ADGRG4: variants seen among roughly 807,000 people sequenced by gnomAD.
ADGRG4 encodes adhesion G protein-coupled receptor G4, also known as G protein-coupled receptor 112.
ADGRG4 carries 122 observed loss-of-function variants against 126.2 expected under a neutral mutation model. That is an observed-to-expected ratio of 0.97 (90% CI 0.83 to 1.12). ADGRG4 has a LOEUF of 1.12. Among genes scored for constraint, ADGRG4 ranks in the 50% most tolerant of loss-of-function variants. The pLI is 0.00. For missense variants in ADGRG4, 2,481 were observed against 2,251.8 expected, an observed-to-expected ratio of 1.10 and a Z score of -2.06; for synonymous variants, 943 against 838.7, an observed-to-expected ratio of 1.12 and a Z score of -2.15.
chrX:136,320,663 C>A (rs1442557788), intron 4 of ADGRG4, among the ~76,000 whole-genome samples: 1 of 111,897 alleles, frequency 8.9e-6, no homozygotes, highest in Admixed American at 9.5e-5. Context: ...CTTGTAATCC[C>A]AGCACTTTGG....
At chrX:136,376,383 C>CT (rs999581867) in intron 15 of ADGRG4, among the ~76,000 whole-genome samples, 4 of 111,279 alleles carry the variant, frequency 3.6e-5, no homozygotes, top group Non-Finnish European at 5.7e-5. Flanking sequence ...GCTATGTGGA[C>CT]TTTTTTGATT....
intron 5 of ADGRG4, among the ~76,000 whole-genome samples, chrX:136,337,006 G>A (rs2074951682): frequency 9.0e-6 from 1 of 110,984 alleles, no homozygotes; most frequent in Non-Finnish European, 1.9e-5. Context: ...CCAGACTGCA[G>A]AGCAGTGGAG....
chrX:136,415,586 C>A (rs1483122097), intron 25 of ADGRG4, among the ~76,000 whole-genome samples: 1 of 111,354 alleles, frequency 9.0e-6, no homozygotes, highest in Non-Finnish European at 1.9e-5. Context: ...TCCCTGGCCA[C>A]AAGCATTTAT....
chrX:136,331,737 T>A (rs2074911274), intron 5 of ADGRG4, among the ~76,000 whole-genome samples: 1 of 111,910 alleles, frequency 8.9e-6, no homozygotes, highest in Admixed American at 9.5e-5. Context: ...AAATGTCTGT[T>A]CATGTGTTTT....
intron 8 of ADGRG4, among the ~76,000 whole-genome samples, 180 bp downstream of exon 8, chrX:136,353,581 T>G (rs1165607490): frequency 4.5e-5 from 5 of 111,513 alleles, no homozygotes; most frequent in Non-Finnish European, 7.5e-5. Flanking sequence ...ATTACTATTG[T>G]AGGGCACAAA....
At chrX:136,384,208 G>A (rs1201898301) in intron 15 of ADGRG4, among the ~76,000 whole-genome samples, 2 of 110,641 alleles carry the variant, frequency 1.8e-5, no homozygotes, top group Non-Finnish European at 3.8e-5. Flanking sequence ...ACCATGCCTG[G>A]CCTGCATTGT....
intron 4 of ADGRG4, among the ~76,000 whole-genome samples, chrX:136,318,010 T>C (rs947767682): frequency 8.9e-6 from 1 of 112,055 alleles, no homozygotes; most frequent in Non-Finnish European, 1.9e-5. Flanking sequence ...AAACATAGAG[T>C]TACTATATGG....
At chrX:136,359,749 G>A (rs1464396023) in intron 11 of ADGRG4, among the ~76,000 whole-genome samples, 1 of 111,471 alleles carries the variant, frequency 9.0e-6, no homozygotes, top group Non-Finnish European at 1.9e-5. Context: ...AATACACAGA[G>A]ACCTGAAGAG....
chrX:136,323,444 C>T, intron 5 of ADGRG4, 52 bp downstream of exon 5: 1 of 1,099,650 alleles, frequency 9.1e-7, no homozygotes, highest in Non-Finnish European at 1.2e-6. Context: ...TGACACAGTA[C>T]TTCTCTGCTA....
intron 14 of ADGRG4, among the ~76,000 whole-genome samples, chrX:136,372,510 C>T (rs970286086): frequency 8.9e-6 from 1 of 111,810 alleles, no homozygotes; most frequent in African/African-American, 3.3e-5. Flanking sequence ...TTTAAAACCA[C>T]TCAGTGGCTT....
Position 136,344,891 on chromosome X carries a change from G to T in ADGRG4, c.1185G>T (p.Ser395=). The part of the protein sequence containing the change: ...VSTTSAIKSQ[S]AVTKTTSLFS... ...CAACTTCAGCAATTAAATCTCAGTC[G>T]GCTGTTACGAAGACAACATCTTTAT... is the stretch of plus-strand genomic sequence containing the variant. Residue 395 remains serine (S), a synonymous_variant, in exon 6 of 26, where the codon TCG becomes TCT. Coordinates refer to ENST00000394143, the MANE Select transcript of ADGRG4 (RefSeq NM_153834.4). 8.3e-7 allele frequency: 1 copy of T among 1,210,553 alleles called. No individual in the cohort carries two copies. The highest frequency in any genetic ancestry group is 1.1e-6 in the Non-Finnish European group (1 of 894,567).
chrX:136,323,170 C>T lies in ADGRG4; in HGVS notation c.463C>T (p.His155Tyr). The change falls in exon 5 of 26, where the codon CAT becomes TAT. Residue 155 changes from histidine (H) to tyrosine (Y), a missense_variant. His to Tyr is a moderately conservative substitution (Grantham distance 83). Transcript: ENST00000394143. ...VTDQPHNLTPHGTLFLGHFLK... is the reference protein window; with the variant it reads ...VTDQPHNLTPYGTLFLGHFLK... The stretch of plus-strand genomic sequence containing the variant: ...GGATCAACCACACAACCTGACACCT[C>T]ATGGGACTCTGTTCCTAGGGCACTT... The T allele has an allele frequency of 8.3e-7, 1 of 1,211,678 alleles. No individual in the cohort carries two copies. Among genetic ancestry groups the T allele is most frequent in the Non-Finnish European group, 1.1e-6 (1 of 895,345 alleles).
At chrX:136,390,116 T>A (rs1043497935) in intron 16 of ADGRG4, among the ~76,000 whole-genome samples, 2 of 111,595 alleles carry the variant, frequency 1.8e-5, no homozygotes, top group Non-Finnish European at 3.8e-5. Context: ...AGTGGTGCAA[T>A]CACAGCTCAC....
intron 11 of ADGRG4, 121 bp downstream of exon 11, chrX:136,359,576 T>C: frequency 1.8e-6 from 1 of 563,307 alleles, no homozygotes. Flanking sequence ...TTTCTGTTTT[T>C]TTTTTCATAT....
intron 15 of ADGRG4, among the ~76,000 whole-genome samples, chrX:136,378,034 A>G (rs1603298288): frequency 9.0e-6 from 1 of 110,908 alleles, no homozygotes; most frequent in East Asian, 2.8e-4. Context: ...TGAGATTACG[A>G]TTTGGATTGA....
chrX:136,369,515 A>G (rs2075179885), intron 13 of ADGRG4, among the ~76,000 whole-genome samples: 1 of 111,984 alleles, frequency 8.9e-6, no homozygotes, highest in South Asian at 3.8e-4. Flanking sequence ...ATAGTCTCCC[A>G]TTGGCCTGCT....
Position 136,345,747 on chromosome X carries a change from A to C in ADGRG4, c.2041A>C (p.Asn681His), listed in dbSNP as rs2148465550. The change falls in exon 6 of 26, where the codon AAT becomes CAT. Residue 681 changes from asparagine to histidine, a missense_variant. By Grantham distance (68) the Asn-to-His change is moderately conservative (BLOSUM62 1). Transcript: ENST00000394143. ...TTILTFVPNE[N>H]FTSAFHENTT... ...CATACTCACATTTGTGCCTAATGAA[A>C]ATTTTACATCAGCATTTCATGAGAA... The C allele has an allele frequency of 2.5e-6, 3 of 1,211,034 alleles. No homozygotes were observed. In the East Asian group the frequency reaches 8.9e-5, roughly 36 times the overall value.
intron 20 of ADGRG4, 88 bp from the exon 21 acceptor site, chrX:136,399,760 T>A (rs1415004849): frequency 3.0e-5 from 24 of 787,568 alleles, no homozygotes; most frequent in Non-Finnish European, 4.3e-5. Flanking sequence ...TTTTATTCTT[T>A]CACTTATTAT....
intron 9 of ADGRG4, among the ~76,000 whole-genome samples, chrX:136,357,194 G>A (rs1008686881): frequency 1.8e-5 from 2 of 111,364 alleles, no homozygotes; most frequent in South Asian, 7.6e-4. Flanking sequence ...GCCTGGGTTG[G>A]AACCCCTGCT....
Sources: gnomAD v4.1 joint callset for allele counts (sites outside exome capture counted in the v4.1 genomes callset) on GRCh38, gnomAD v4.1.1 for gene constraint, MANE v1.5 for transcripts, NCBI Gene and HGNC (gene_info 2026-07-23, HGNC 2026-07-21) for gene names.